Variants in IGF2R observed in about 807,000 individuals in gnomAD.
IGF2R encodes the protein cation-independent mannose-6-phosphate receptor.
In IGF2R, 91 loss-of-function variants were observed where a neutral mutation model predicts 270.6. The observed-to-expected ratio is 0.34, with a 90% CI of 0.28 to 0.40. The LOEUF is 0.40. Among genes scored for constraint, IGF2R ranks in the 10% least tolerant of loss-of-function variants. The pLI, the probability that IGF2R is intolerant of heterozygous loss-of-function variation, is 1.00. For missense variants in IGF2R, 2,805 were observed against 3,188.3 expected, an observed-to-expected ratio of 0.88 and a Z score of 2.90; for synonymous variants, 1,316 against 1,258.9, an observed-to-expected ratio of 1.05 and a Z score of -0.96.
intron 23 of IGF2R, 44 bp downstream of exon 23, chr6:160,060,761 A>AGT (rs780897764): frequency 1.4e-5 from 23 of 1,594,064 alleles, no homozygotes; most frequent in South Asian, 2.2e-5. Context: ...GTCAAGAGTC[A>AGT]GTGTGTGTGT....
chr6:160,085,102 T>A lies in IGF2R; in HGVS notation c.6176T>A (p.Leu2059His). Reference protein sequence around the residue: ...TTTGDVQVLGLVHTQKLGVIG... With the variant: ...TTTGDVQVLGHVHTQKLGVIG... Reference sequence around the variant, plus strand: ...ACTGGTGACGTCCAGGTCCTGGGACTCGTTCACACGCAGAAGCTGGGTGTC... The same window carrying A: ...ACTGGTGACGTCCAGGTCCTGGGACACGTTCACACGCAGAAGCTGGGTGTC... Residue 2059 changes from leucine to histidine, a missense_variant, in exon 41 of 48, where the codon CTC becomes CAC. By Grantham distance (99) the Leu-to-His change is moderately conservative. Coordinates refer to ENST00000356956, the MANE Select transcript of IGF2R (RefSeq NM_000876.4). The A allele has an allele frequency of 6.2e-7, 1 of 1,613,806 alleles. No individual in the cohort carries two copies. Among genetic ancestry groups the A allele is most frequent in the Non-Finnish European group, 8.5e-7 (1 of 1,179,898 alleles).
chr6:160,046,722 C>T (rs1015474780), intron 15 of IGF2R, 77 bp downstream of exon 15: 2 of 1,441,192 alleles, frequency 1.4e-6, no homozygotes, highest in African/African-American at 2.9e-5. Context: ...TAGGTGTGTT[C>T]TCACTTAATG....
chr6:160,049,316 C>T lies in IGF2R; in HGVS notation c.2514+773C>T, dbSNP rs8191813. 6.8e-3 allele frequency among the ~76,000 whole-genome samples: 1,032 copies of T among 152,292 alleles called. 5 individuals carry two copies. The highest frequency in any genetic ancestry group is 0.011 in the Non-Finnish European group (757 of 68,034). On this transcript the variant is annotated intron_variant, in intron 18 of 47. Transcript: ENST00000356956. Reference sequence around the variant, plus strand: ...CTTGCCTACTTGAGAACACGTGTAACTCCAAAATCACCACGCGGAACACTT... The same window carrying T: ...CTTGCCTACTTGAGAACACGTGTAATTCCAAAATCACCACGCGGAACACTT...
chr6:160,029,479 T>C, intron 6 of IGF2R, 71 bp from the exon 7 acceptor site: 4 of 941,690 alleles, frequency 4.2e-6, no homozygotes, highest in Non-Finnish European at 6.9e-6. Context: ...TGCTGAATGC[T>C]CAGGGCAACA....
chr6:160,087,583 G>A (rs182652918), intron 41 of IGF2R, among the ~76,000 whole-genome samples: 14 of 152,322 alleles, frequency 9.2e-5, no homozygotes, highest in Non-Finnish European at 1.0e-4. Context: ...AGAACAGGTC[G>A]ATAAACCTTT....
At chr6:159,997,519 C>T (rs1275354483) in intron 2 of IGF2R, among the ~76,000 whole-genome samples, 1 of 152,166 alleles carries the variant, frequency 6.6e-6, no homozygotes, top group African/African-American at 2.4e-5. Flanking sequence ...TTTGTGAGGG[C>T]AGAAAAGCTC....
intron 1 of IGF2R, among the ~76,000 whole-genome samples, chr6:159,986,698 C>G (rs181928481): frequency 4.0e-5 from 6 of 151,776 alleles, no homozygotes; most frequent in Non-Finnish European, 7.4e-5. Context: ...TAACATCTTA[C>G]TGTTACAGCT....
At chr6:160,064,261 G>A (rs1272682412) in intron 27 of IGF2R, 140 bp from the exon 28 acceptor site, 4 of 932,754 alleles carry the variant, frequency 4.3e-6, no homozygotes, top group Non-Finnish European at 7.0e-6. Flanking sequence ...TAATGTGACA[G>A]GAGTGCATGG....
intron 1 of IGF2R, among the ~76,000 whole-genome samples, chr6:159,972,496 G>A (rs1399342712): frequency 6.6e-6 from 1 of 152,158 alleles, no homozygotes; most frequent in East Asian, 1.9e-4. Flanking sequence ...AATTCTCATT[G>A]TCTCTAAAAG....
intron 42 of IGF2R, 100 bp downstream of exon 42, chr6:160,088,247 A>T (rs998824669): frequency 2.6e-6 from 2 of 779,552 alleles, no homozygotes; most frequent in Middle Eastern, 3.5e-4. Context: ...GAGTCTTAGG[A>T]GCTCAGGGCC....
rs1406009422 is a variant in IGF2R, at chr6:160,047,283, C to T, written c.2176C>T (p.Leu726Phe). The change falls in exon 16 of 48, where the codon CTC becomes TTC. Residue 726 changes from leucine to phenylalanine, a missense_variant. Around this residue, in one of 2 missense-constraint regions of IGF2R, gnomAD observed 954 missense variants for 981.1 expected, o/e 0.97. Coordinates refer to ENST00000356956, the MANE Select transcript of IGF2R (RefSeq NM_000876.4). ...NNERHTPRAT[L>F]ITFLCDRDAG... ...TGAAAGACACACACCGAGAGCTACG[C>T]TCATCACCTTTCTCTGTGATCGAGA... 6.2e-7 allele frequency: 1 copy of T among 1,612,274 alleles called. No individual in the cohort carries two copies. The highest frequency in any genetic ancestry group is 8.5e-7 in the Non-Finnish European group (1 of 1,179,588).
chr6:160,011,551 G>GTTT (rs546686832), intron 4 of IGF2R, among the ~76,000 whole-genome samples: 98 of 119,658 alleles, frequency 8.2e-4, no homozygotes, highest in East Asian at 3.2e-3. Context: ...CACATATTTC[G>GTTT]TTTTTTTTTT....
chr6:160,071,030 G>T (rs1233305810), intron 31 of IGF2R, among the ~76,000 whole-genome samples: 4 of 152,104 alleles, frequency 2.6e-5, no homozygotes, highest in Non-Finnish European at 5.9e-5. Context: ...TGGGGCCCCT[G>T]TGCCCAGGGC....
intron 1 of IGF2R, among the ~76,000 whole-genome samples, chr6:159,983,000 C>T (rs570252088): frequency 6.6e-6 from 1 of 152,322 alleles, no homozygotes; most frequent in East Asian, 1.9e-4. Flanking sequence ...TGAGAGGTGT[C>T]ATATTAAGAT....
At chr6:160,080,741 C>T (rs569451021) in intron 39 of IGF2R, among the ~76,000 whole-genome samples, 4 of 152,216 alleles carry the variant, frequency 2.6e-5, no homozygotes, top group South Asian at 2.1e-4. Flanking sequence ...CTTGCCCCTG[C>T]GGTGCTCAGG....
Position 160,044,627 on chromosome 6 carries a change from A to G in IGF2R, c.1735A>G (p.Lys579Glu). Reference protein sequence around the residue: ...GDDCGHGKKIKTNITLVCKPG... With the variant: ...GDDCGHGKKIETNITLVCKPG... ...TGATTGTGGTCATGGCAAGAAAATTAAAACTAATATCACACTTGTATGCAA... is the reference window on the plus strand; with the variant it reads ...TGATTGTGGTCATGGCAAGAAAATTGAAACTAATATCACACTTGTATGCAA... The change falls in exon 13 of 48, where the codon AAA (lysine) becomes GAA (glutamate). Residue 579 changes from lysine (K) to glutamate (E), a missense_variant. Coordinates refer to ENST00000356956, the MANE Select transcript of IGF2R (RefSeq NM_000876.4). The G allele has an allele frequency of 6.2e-7, 1 of 1,609,272 alleles. No individual in the cohort carries two copies. The highest frequency in any genetic ancestry group is 1.7e-5 in the Admixed American group (1 of 59,062).
In IGF2R at chr6:160,080,857, C is replaced by A. The variant is rs555994570; in HGVS notation, c.5833+582C>A. 1.4e-4 allele frequency among the ~76,000 whole-genome samples: 22 copies of A among 152,068 alleles called. 1 individual carries two copies. The South Asian group carries it at 4.6e-3, about 32-fold the overall frequency. Reference sequence around the variant, plus strand: ...TTTTGGCCAGGCGCGGTGGCTCACGCCTGTAATCCCAGCACTTTGGGAGGC... The same window carrying A: ...TTTTGGCCAGGCGCGGTGGCTCACGACTGTAATCCCAGCACTTTGGGAGGC... On this transcript the variant is annotated intron_variant, in intron 39 of 47. Coordinates refer to ENST00000356956, the MANE Select transcript of IGF2R (RefSeq NM_000876.4).
chr6:160,042,899 G>T (rs1302790099), intron 11 of IGF2R, among the ~76,000 whole-genome samples: 2 of 152,058 alleles, frequency 1.3e-5, no homozygotes, highest in Non-Finnish European at 1.5e-5. Context: ...CTGTCCCCCA[G>T]TTGGGCCTAC....
At chr6:160,045,143 T>A (rs930234144) in intron 13 of IGF2R, among the ~76,000 whole-genome samples, 7 of 152,232 alleles carry the variant, frequency 4.6e-5, no homozygotes, top group African/African-American at 1.7e-4. Context: ...CTTTTCTATG[T>A]TTCACAGTTC....
Sources: gnomAD v4.1 joint callset for allele counts (sites outside exome capture counted in the v4.1 genomes callset) on GRCh38, gnomAD v4.1.1 for gene constraint, gnomAD v4.1.1 regional missense constraint, MANE v1.5 for transcripts, NCBI Gene and HGNC (gene_info 2026-07-23, HGNC 2026-07-21) for gene names.